MAD1L1: variants seen among roughly 807,000 people sequenced by gnomAD.
MAD1L1 encodes mitotic spindle assembly checkpoint protein MAD1.
MAD1L1 carries 95 observed loss-of-function variants against 96.9 expected under a neutral mutation model. That is an observed-to-expected ratio of 0.98 (90% CI 0.83 to 1.16). MAD1L1 has a LOEUF of 1.16. Ranked by LOEUF, MAD1L1 falls within the 50% of genes most tolerant of loss-of-function variation. MAD1L1 has a pLI of 0.00. For synonymous variants in MAD1L1, 473 were observed against 396.6 expected (o/e 1.19, Z -2.29); for missense variants, 1,007 against 954.4 (o/e 1.06, Z -0.73).
intron 17 of MAD1L1, among the ~76,000 whole-genome samples, chr7:1,929,405 CA>C (rs1232918564): frequency 2.0e-5 from 3 of 152,184 alleles, no homozygotes; most frequent in Non-Finnish European, 2.9e-5. Context: ...CTGGACGTGG[CA>C]GGGGGGCTGA....
intron 17 of MAD1L1, among the ~76,000 whole-genome samples, chr7:1,910,223 G>A (rs1278097100): frequency 2.0e-5 from 3 of 152,074 alleles, no homozygotes; most frequent in Admixed American, 1.3e-4. Context: ...GGGGTCCTTC[G>A]GCAGCAGAGG....
intron 12 of MAD1L1, among the ~76,000 whole-genome samples, chr7:2,049,637 C>G (rs1181190722): frequency 1.3e-5 from 2 of 152,232 alleles, no homozygotes; most frequent in Non-Finnish European, 2.9e-5. Context: ...ATCCCCATGT[C>G]TTGCTGGAGG....
intron 15 of MAD1L1, among the ~76,000 whole-genome samples, chr7:1,965,763 A>G (rs1780139600): frequency 1.3e-5 from 2 of 152,234 alleles, no homozygotes; most frequent in Non-Finnish European, 2.9e-5. Context: ...GACAAACTCT[A>G]GCTGCGTTTT....
chr7:1,868,795 C>A (rs1161980086), intron 18 of MAD1L1, among the ~76,000 whole-genome samples: 4 of 152,196 alleles, frequency 2.6e-5, no homozygotes, highest in African/African-American at 9.6e-5. Context: ...CCCAGAAGAC[C>A]AGCATGTCAG....
chr7:1,930,806 G>A (rs982946745), intron 17 of MAD1L1, among the ~76,000 whole-genome samples: 20 of 151,962 alleles, frequency 1.3e-4, no homozygotes, highest in African/African-American at 4.3e-4. Context: ...GCCAGTGACA[G>A]GCCTGCCATC....
chr7:1,936,766 G>A lies in MAD1L1; in HGVS notation c.1728C>T (p.Arg576=), dbSNP rs372524813. ...AECERLRGLL[R]AMERGGTVPA... Reference sequence around the variant, plus strand: ...GGACGGTGCCTCCTCTCTCCATGGCGCGCAGGAGCCCGCGCAGTCGCTCGC... The same window carrying A: ...GGACGGTGCCTCCTCTCTCCATGGCACGCAGGAGCCCGCGCAGTCGCTCGC... Residue 576 remains arginine, a synonymous_variant, in exon 17 of 19, where the codon CGC becomes CGT. Coordinates refer to ENST00000265854, the MANE Select transcript of MAD1L1 (RefSeq NM_001013836.2). 84 of 1,572,888 alleles carry A rather than the reference G, an allele frequency of 5.3e-5. 1 individual carries two copies. The highest frequency in any genetic ancestry group is 1.7e-4 in the Middle Eastern group (1 of 5,994).
At chr7:2,151,833 G>A (rs748380570) in intron 10 of MAD1L1, among the ~76,000 whole-genome samples, 8 of 152,220 alleles carry the variant, frequency 5.3e-5, no homozygotes, top group African/African-American at 9.7e-5. Flanking sequence ...GATGGCACAC[G>A]CACCAGGCAG....
At position 2,051,241 on chromosome 7, in the gene MAD1L1, C is replaced by T. The variant is rs112753818; in HGVS notation, c.1218+17953G>A. 2.6e-5 allele frequency among the ~76,000 whole-genome samples: 4 copies of T among 152,308 alleles called. No individual in the cohort carries two copies. In the South Asian group the frequency reaches 8.3e-4, roughly 32 times the overall value. On this transcript the variant is annotated intron_variant, in intron 12 of 18. Coordinates refer to ENST00000265854, the MANE Select transcript of MAD1L1 (RefSeq NM_001013836.2). ...AGCCACCTGTGCCAGCTGGATGATG[C>T]CTGGCCTGGGCACTGGAGGAGCCTC...
chr7:1,892,898 C>A (rs1020550091), intron 18 of MAD1L1, among the ~76,000 whole-genome samples: 10 of 152,204 alleles, frequency 6.6e-5, no homozygotes, highest in African/African-American at 2.2e-4. Flanking sequence ...CCTGGTCACT[C>A]CACTTCTTCT....
intron 12 of MAD1L1, among the ~76,000 whole-genome samples, chr7:2,046,380 T>A (rs1231711937): frequency 6.6e-6 from 1 of 152,030 alleles, no homozygotes; most frequent in African/African-American, 2.4e-5. Context: ...ACCCATGTTG[T>A]CCTCCTCCTC....
intron 18 of MAD1L1, among the ~76,000 whole-genome samples, chr7:1,842,901 G>T (rs991274947): frequency 1.3e-5 from 2 of 152,262 alleles, no homozygotes; most frequent in African/African-American, 4.8e-5. Context: ...CCCGGATGGG[G>T]AGGGTACACT....
chr7:2,211,764 AGG>A (rs773272303), intron 10 of MAD1L1, among the ~76,000 whole-genome samples: 4 of 152,244 alleles, frequency 2.6e-5, no homozygotes, highest in African/African-American at 4.8e-5. Flanking sequence ...AGGCACTTTC[AGG>A]TGACAGAGAA....
chr7:1,833,191 C>A (rs550406647), intron 18 of MAD1L1, among the ~76,000 whole-genome samples: 4 of 152,204 alleles, frequency 2.6e-5, no homozygotes, highest in African/African-American at 4.8e-5. Context: ...TTTATATGCA[C>A]TGGGAAACAA....
At chr7:2,005,608 C>A (rs1781997808) in intron 13 of MAD1L1, among the ~76,000 whole-genome samples, 1 of 152,094 alleles carries the variant, frequency 6.6e-6, no homozygotes. Flanking sequence ...CGAGACCAGC[C>A]TGGACAACAT....
chr7:1,960,748 C>G (rs1245439605), intron 15 of MAD1L1, among the ~76,000 whole-genome samples: 1 of 152,084 alleles, frequency 6.6e-6, no homozygotes, highest in Non-Finnish European at 1.5e-5. Context: ...GAACAACGGG[C>G]AAAAAATCAG....
intron 18 of MAD1L1, among the ~76,000 whole-genome samples, chr7:1,839,940 G>A (rs1241344523): frequency 1.3e-5 from 2 of 152,114 alleles, no homozygotes; most frequent in Non-Finnish European, 2.9e-5. Flanking sequence ...CCTGGCCATC[G>A]GCCCCCCAAT....
intron 18 of MAD1L1, among the ~76,000 whole-genome samples, chr7:1,825,052 G>A (rs899353240): frequency 2.0e-5 from 3 of 152,180 alleles, no homozygotes; most frequent in Admixed American, 2.0e-4. Context: ...GGGACGGAAA[G>A]TGACTCATGG....
intron 7 of MAD1L1, 67 bp from the exon 8 acceptor site, chr7:2,216,354 C>T (rs879835065): frequency 5.3e-6 from 8 of 1,520,426 alleles, no homozygotes; most frequent in South Asian, 1.2e-5. Context: ...GAAAATCACA[C>T]GCACACGGCT....
chr7:1,951,171 C>G (rs909578057), intron 16 of MAD1L1, among the ~76,000 whole-genome samples: 29 of 152,258 alleles, frequency 1.9e-4, no homozygotes, highest in African/African-American at 7.0e-4. Flanking sequence ...ATCCCAGTCT[C>G]CCCACTACAG....
Sources: allele counts gnomAD v4.1 joint callset (sites outside exome capture counted in the v4.1 genomes callset), GRCh38; gene constraint gnomAD v4.1.1; transcripts MANE v1.5; gene names NCBI Gene and HGNC (gene_info 2026-07-23, HGNC 2026-07-21).